The following ASAP1 variants were observed in gnomAD, a reference collection of about 807,000 sequenced individuals.
ASAP1 encodes the protein ArfGAP with SH3 domain, ankyrin repeat and PH domain 1, also known as arf-GAP with SH3 domain, ANK repeat and PH domain-containing protein 1.
A neutral mutation model predicts 145.2 loss-of-function variants in ASAP1; 43 were observed. The observed-to-expected ratio is 0.30, with a 90% confidence interval of 0.23 to 0.38. The LOEUF (loss-of-function observed/expected upper bound fraction) is 0.38, where lower values mean the gene tolerates loss of function less well. ASAP1 is among the 10% of genes least tolerant of loss of function. The pLI, the probability that ASAP1 is intolerant of heterozygous loss-of-function variation, is 1.00. For synonymous variants in ASAP1, 546 were observed against 515.5 expected, an observed-to-expected ratio of 1.06 and a Z score of -0.80; for missense variants, 1,018 against 1,355.3, an observed-to-expected ratio of 0.75 and a Z score of 3.91.
At chr8:130,115,514 T>C (rs2097553997) in intron 23 of ASAP1, 114 bp downstream of exon 23, 5 of 806,164 alleles carry the variant, frequency 6.2e-6, no homozygotes. Context: ...ATGGCCCTGA[T>C]ACATTGGATC....
intron 1 of ASAP1, among the ~76,000 whole-genome samples, chr8:130,439,124 A>C (rs977503583): frequency 1.3e-5 from 2 of 152,200 alleles, no homozygotes; most frequent in African/African-American, 4.8e-5. Flanking sequence ...GCCAGAAGGG[A>C]GAATCAGAGA....
At chr8:130,332,438 G>GACA (rs1824753607) in intron 3 of ASAP1, among the ~76,000 whole-genome samples, 1 of 152,082 alleles carries the variant, frequency 6.6e-6, no homozygotes, top group Non-Finnish European at 1.5e-5. Flanking sequence ...TTATGTCATT[G>GACA]TACTTTAGTT....
At chr8:130,146,295 A>T (rs1474718091) in intron 13 of ASAP1, among the ~76,000 whole-genome samples, 2 of 151,936 alleles carry the variant, frequency 1.3e-5, no homozygotes, top group African/African-American at 4.8e-5. Flanking sequence ...TAGTAAAAGT[A>T]AAAAAAACCT....
chr8:130,341,969 T>C (rs369159843), intron 3 of ASAP1, among the ~76,000 whole-genome samples: 71 of 152,318 alleles, frequency 4.7e-4, no homozygotes, highest in African/African-American at 1.5e-3. Context: ...AGGATCTCCA[T>C]GCCCAACACC....
chr8:130,183,668 T>G (rs1814523208), intron 7 of ASAP1, among the ~76,000 whole-genome samples: 1 of 152,210 alleles, frequency 6.6e-6, no homozygotes, highest in Non-Finnish European at 1.5e-5. Context: ...TATTTTATAC[T>G]GATTTACCAC....
intron 11 of ASAP1, among the ~76,000 whole-genome samples, chr8:130,165,966 T>C (rs2097679036): frequency 6.6e-6 from 1 of 152,188 alleles, no homozygotes; most frequent in African/African-American, 2.4e-5. Flanking sequence ...ATTTAAAAAC[T>C]GACTATAAAA....
intron 3 of ASAP1, among the ~76,000 whole-genome samples, chr8:130,299,284 G>GA (rs1458448059): frequency 1.9e-4 from 29 of 152,002 alleles, no homozygotes; most frequent in Admixed American, 1.6e-3. Flanking sequence ...CAGGGAAACT[G>GA]AAAAAAACAG....
rs142924621 is a variant in ASAP1 at position 130,072,790 on chromosome 8, G to GGTGTGTGTGT, written c.2701+3557_2701+3558insACACACACAC. On this transcript the variant is annotated intron_variant, in intron 27 of 29. Transcript: ENST00000518721. ...GTTCTGAAGGCCTGGACTTGCAATTGATATGTGTGTGTGTGTGTGTGTGTG... is the reference window on the plus strand; with the variant it reads ...GTTCTGAAGGCCTGGACTTGCAATTGGTGTGTGTGTATATGTGTGTGTGTGTGTGTGTGTG... Among the ~76,000 whole-genome samples the GGTGTGTGTGT allele has an allele frequency of 2.7e-3, 178 of 66,046 alleles. 8 individuals are homozygous for GGTGTGTGTGT. Among genetic ancestry groups the GGTGTGTGTGT allele is most frequent in the African/African-American group, 8.1e-3 (131 of 16,106 alleles). 43.3% of individuals were successfully genotyped at this position (66,046 alleles called of 152,430 possible).
At chr8:130,187,320 T>A (rs946399800) in intron 6 of ASAP1, 35 bp from the exon 7 acceptor site, 1 of 1,527,650 alleles carries the variant, frequency 6.5e-7, no homozygotes, top group Non-Finnish European at 9.0e-7. Context: ...AAATTGCAAC[T>A]ACTTTTGCTG....
At chr8:130,105,049 A>G (rs975664064) in intron 24 of ASAP1, among the ~76,000 whole-genome samples, 1 of 151,944 alleles carries the variant, frequency 6.6e-6, no homozygotes, top group Non-Finnish European at 1.5e-5. Flanking sequence ...TCTTTTTTCA[A>G]TTTATTTTTA....
chr8:130,180,890 A>C lies in ASAP1; in HGVS notation c.531-10T>G. The C allele has an allele frequency of 1.3e-6, 2 of 1,580,006 alleles. No individual in the cohort carries two copies. The highest frequency in any genetic ancestry group is 1.5e-5 in the African/African-American group (1 of 67,164). ...TTTCTCAATTTTTGTACTGTAATTA[A>C]AGCCAATGTCATTATTTAAAAAAAA... is the stretch of plus-strand genomic sequence containing the variant. On this transcript the variant is annotated splice_polypyrimidine_tract_variant and intron_variant, in intron 7 of 29. Coordinates refer to ENST00000518721, the MANE Select transcript of ASAP1 (RefSeq NM_018482.4).
At chr8:130,383,000 G>C (rs115300792) in intron 2 of ASAP1, among the ~76,000 whole-genome samples, 2,695 of 152,286 alleles carry the variant, frequency 0.018, 80 homozygotes, top group African/African-American at 0.061. Context: ...CCAGCAGAGA[G>C]AACAGCATGT....
intron 3 of ASAP1, among the ~76,000 whole-genome samples, chr8:130,344,525 G>A (rs145629990): frequency 5.9e-5 from 9 of 152,306 alleles, no homozygotes; most frequent in African/African-American, 2.2e-4. Flanking sequence ...TGTTGAAACT[G>A]AATGATAGTT....
intron 25 of ASAP1, among the ~76,000 whole-genome samples, chr8:130,085,935 A>G (rs2135377809): frequency 6.6e-6 from 1 of 152,250 alleles, no homozygotes; most frequent in African/African-American, 2.4e-5. Flanking sequence ...TATTTTGGGC[A>G]CTGTGGATGT....
intron 3 of ASAP1, among the ~76,000 whole-genome samples, chr8:130,245,277 GT>G (rs1038300252): frequency 3.3e-5 from 5 of 152,108 alleles, no homozygotes; most frequent in African/African-American, 1.2e-4. Context: ...TATCTGTGCT[GT>G]TTTAGACTAT....
intron 3 of ASAP1, among the ~76,000 whole-genome samples, chr8:130,280,773 A>G (rs1821200517): frequency 1.3e-5 from 2 of 152,348 alleles, no homozygotes; most frequent in East Asian, 1.9e-4. Context: ...TTAATTTTCT[A>G]TGTTAGAATT....
intron 24 of ASAP1, among the ~76,000 whole-genome samples, chr8:130,109,355 T>C (rs2097543001): frequency 6.6e-6 from 1 of 152,176 alleles, no homozygotes. Context: ...TAGGTCAAGC[T>C]TCCTTGAATT....
chr8:130,146,242 T>G (rs1485864142), intron 13 of ASAP1, among the ~76,000 whole-genome samples: 1 of 152,162 alleles, frequency 6.6e-6, no homozygotes, highest in Admixed American at 6.5e-5. Context: ...TTTTATACCT[T>G]CAAATTTGTA....
At chr8:130,109,423 T>C (rs1235980855) in intron 24 of ASAP1, among the ~76,000 whole-genome samples, 1 of 152,176 alleles carries the variant, frequency 6.6e-6, no homozygotes, top group Non-Finnish European at 1.5e-5. Context: ...GAATAATTCT[T>C]TCTCCTCTTC....
Sources: allele counts gnomAD v4.1 joint callset (sites outside exome capture counted in the v4.1 genomes callset), GRCh38; gene constraint gnomAD v4.1.1; transcripts MANE v1.5; gene names NCBI Gene and HGNC (gene_info 2026-07-23, HGNC 2026-07-21).